The following FBXL17 variants were observed in gnomAD, a reference collection of about 807,000 sequenced individuals.
FBXL17 encodes the protein F-box/LRR-repeat protein 17.
FBXL17 carries 22 observed loss-of-function variants against 66.2 expected under a neutral mutation model. The ratio of observed to expected loss-of-function variants is 0.33; its 90% confidence interval spans 0.24 to 0.47. The LOEUF is 0.47. Ranked by LOEUF, FBXL17 falls within the 20% of genes least tolerant of loss-of-function variation. The pLI is 1.00. For synonymous variants in FBXL17, 474 were observed against 400.5 expected (o/e 1.18, Z -2.19); for missense variants, 878 against 948.2 (o/e 0.93, Z 0.97).
chr5:108,255,422 C>A (rs959706641), intron 4 of FBXL17, among the ~76,000 whole-genome samples: 2 of 152,110 alleles, frequency 1.3e-5, no homozygotes, highest in East Asian at 3.9e-4. Flanking sequence ...TACATTTTGA[C>A]CAATTCAAAG....
chr5:108,116,625 C>T (rs962054667), intron 6 of FBXL17, among the ~76,000 whole-genome samples: 3 of 151,188 alleles, frequency 2.0e-5, no homozygotes, highest in South Asian at 2.1e-4. Context: ...TCCGGCCTGG[C>T]GACAGAACAA....
chr5:108,097,548 T>G (rs1383589975), intron 6 of FBXL17, among the ~76,000 whole-genome samples: 2 of 151,472 alleles, frequency 1.3e-5, no homozygotes, highest in African/African-American at 4.9e-5. Context: ...CCCAGCACTT[T>G]GGGAGGTGGG....
At chr5:108,098,156 T>TA (rs932495562) in intron 6 of FBXL17, among the ~76,000 whole-genome samples, 27 of 151,440 alleles carry the variant, frequency 1.8e-4, no homozygotes, top group African/African-American at 4.8e-4. Flanking sequence ...GATCATCTTC[T>TA]AAAAAAAAAC....
At chr5:107,928,654 G>A (rs1750620401) in intron 7 of FBXL17, among the ~76,000 whole-genome samples, 1 of 152,032 alleles carries the variant, frequency 6.6e-6, no homozygotes, top group South Asian at 2.1e-4. Context: ...TTGGGGGGAA[G>A]GAGAGAGCTT....
chr5:107,939,846 G>C (rs151099666), intron 7 of FBXL17, among the ~76,000 whole-genome samples: 1 of 152,208 alleles, frequency 6.6e-6, no homozygotes, highest in East Asian at 1.9e-4. Context: ...AGAAGACCAG[G>C]AGGGCTCAGC....
rs1321578359 is a variant in FBXL17 at position 108,378,321 on chromosome 5, TTTTTG to T, written c.993+2373_993+2377del. Among the ~76,000 whole-genome samples, 8 of 103,254 alleles carry T rather than the reference TTTTTG, an allele frequency of 7.7e-5. No individual in the cohort carries two copies. The South Asian group carries it at 1.7e-3, about 21-fold the overall frequency. The allele number at this position is 103,254 out of a possible 152,430, so 67.7% of individuals were successfully genotyped here. A position where few individuals can be genotyped will look rare whatever the true frequency, so the allele number is the denominator to read the frequency against. ...TCTCTCCCAAATTCTACCTGCCTCG[TTTTTG>T]TTTTTTGTTTTTTTGTTTTGTTTTG... On this transcript the variant is annotated intron_variant, in intron 1 of 8. Transcript: ENST00000542267.
At chr5:108,319,704 A>T (rs986873318) in intron 4 of FBXL17, among the ~76,000 whole-genome samples, 10 of 151,766 alleles carry the variant, frequency 6.6e-5, no homozygotes, top group Non-Finnish European at 1.5e-4. Context: ...TCAGAAAAAA[A>T]TAAAATGACA....
intron 7 of FBXL17, among the ~76,000 whole-genome samples, chr5:107,974,221 A>T (rs2112656292): frequency 6.6e-6 from 1 of 152,324 alleles, no homozygotes; most frequent in South Asian, 2.1e-4. Flanking sequence ...AAGAAGTTAA[A>T]GATAGAGACC....
chr5:108,337,708 TA>T (rs70996991), intron 4 of FBXL17, among the ~76,000 whole-genome samples: 65 of 142,266 alleles, frequency 4.6e-4, no homozygotes, highest in Non-Finnish European at 4.1e-4. Flanking sequence ...GTACAAAAAG[TA>T]AAAAAAAAAA....
intron 6 of FBXL17, among the ~76,000 whole-genome samples, chr5:108,041,371 T>C (rs887180728): frequency 1.8e-4 from 28 of 152,168 alleles, no homozygotes; most frequent in African/African-American, 6.3e-4. Context: ...GAACCTTGAA[T>C]TGCTTACCTT....
intron 4 of FBXL17, among the ~76,000 whole-genome samples, chr5:108,317,608 T>C (rs1475633983): frequency 6.6e-6 from 1 of 151,338 alleles, no homozygotes; most frequent in Non-Finnish European, 1.5e-5. Flanking sequence ...AAAATTAGGA[T>C]ATAATACACT....
chr5:108,007,398 T>C (rs1753970230), intron 7 of FBXL17, among the ~76,000 whole-genome samples: 1 of 152,160 alleles, frequency 6.6e-6, no homozygotes, highest in Admixed American at 6.6e-5. Flanking sequence ...ACAAATCATA[T>C]ATTACAATCA....
intron 6 of FBXL17, among the ~76,000 whole-genome samples, chr5:108,073,788 C>A (rs1748436291): frequency 6.6e-6 from 1 of 152,062 alleles, no homozygotes; most frequent in Non-Finnish European, 1.5e-5. Context: ...CTCTCTCTTG[C>A]TCCCTCTCTC....
intron 6 of FBXL17, among the ~76,000 whole-genome samples, chr5:108,096,259 G>T (rs1749363810): frequency 6.6e-6 from 1 of 152,202 alleles, no homozygotes; most frequent in African/African-American, 2.4e-5. Flanking sequence ...AGCTCAGTAA[G>T]AAGCCATTAA....
intron 4 of FBXL17, chr5:108,299,740 G>A: frequency 1.0e-6 from 1 of 984,980 alleles, no homozygotes; most frequent in Non-Finnish European, 1.2e-6. Flanking sequence ...TATCCACTCT[G>A]CAGGAGCTGA....
chr5:107,878,596 C>A (rs1037506379), intron 8 of FBXL17: 93 of 984,260 alleles, frequency 9.4e-5, no homozygotes, highest in Non-Finnish European at 1.1e-4. Flanking sequence ...CTACTAATTT[C>A]TTTTCTTTGT....
intron 7 of FBXL17, among the ~76,000 whole-genome samples, chr5:107,953,402 C>CAAAAAA (rs1166788701): frequency 2.0e-5 from 1 of 50,610 alleles, no homozygotes; most frequent in Non-Finnish European, 3.9e-5. Context: ...GACTCTCTCT[C>CAAAAAA]AAAAAAAAAA....
chr5:108,329,621 C>T (rs1760022988), intron 4 of FBXL17, among the ~76,000 whole-genome samples: 1 of 152,116 alleles, frequency 6.6e-6, no homozygotes, highest in Admixed American at 6.5e-5. Context: ...AAGTCTTTAA[C>T]AGCAAAATAC....
chr5:107,958,383 C>T (rs1217225262), intron 7 of FBXL17, among the ~76,000 whole-genome samples: 1 of 152,104 alleles, frequency 6.6e-6, no homozygotes, highest in African/African-American at 2.4e-5. Context: ...CAGAACTAAA[C>T]ATGTACTATA....
Sources: allele counts gnomAD v4.1 joint callset (sites outside exome capture counted in the v4.1 genomes callset), GRCh38; gene constraint gnomAD v4.1.1; transcripts MANE v1.5; gene names NCBI Gene and HGNC (gene_info 2026-07-23, HGNC 2026-07-21).